PLEKHB1: variants seen among roughly 807,000 people sequenced by gnomAD.
PLEKHB1 encodes pleckstrin homology domain-containing family B member 1.
A neutral mutation model predicts 36.2 loss-of-function variants in PLEKHB1; 29 were observed. The ratio of observed to expected loss-of-function variants is 0.80; its 90% CI spans 0.60 to 1.09. The LOEUF (loss-of-function observed/expected upper bound fraction) is 1.09. Ranked by LOEUF, PLEKHB1 falls within the 50% of genes least tolerant of loss-of-function variation. PLEKHB1 has a pLI of 0.00. For synonymous variants in PLEKHB1, 138 were observed against 140.0 expected (o/e 0.99, Z 0.10); for missense variants, 330 against 348.2 (o/e 0.95, Z 0.42).
At chr11:73,659,436 G>C (rs772336540) in intron 6 of PLEKHB1, among the ~76,000 whole-genome samples, 2 of 152,066 alleles carry the variant, frequency 1.3e-5, no homozygotes, top group African/African-American at 4.8e-5. Context: ...CCCCTCTCCA[G>C]GTCTGCTCCC....
chr11:73,653,645 C>T (rs1277955614), intron 5 of PLEKHB1, among the ~76,000 whole-genome samples: 1 of 152,180 alleles, frequency 6.6e-6, no homozygotes, highest in African/African-American at 2.4e-5. Flanking sequence ...GAAGGATAAA[C>T]AGAAATTGAC....
intron 3 of PLEKHB1, among the ~76,000 whole-genome samples, chr11:73,651,074 C>T (rs1944881138): frequency 1.3e-5 from 2 of 151,326 alleles, no homozygotes; most frequent in Admixed American, 1.3e-4. Flanking sequence ...TGCTTGAGCC[C>T]AGGAATTCAA....
chr11:73,650,778 C>G, intron 3 of PLEKHB1, 73 bp downstream of exon 3: 1 of 1,453,574 alleles, frequency 6.9e-7, no homozygotes, highest in Non-Finnish European at 9.1e-7. Context: ...AGAACACTTG[C>G]TGTTGGAAGT....
At chr11:73,656,739 C>T (rs1045422866) in intron 6 of PLEKHB1, among the ~76,000 whole-genome samples, 1 of 152,178 alleles carries the variant, frequency 6.6e-6, no homozygotes, top group Non-Finnish European at 1.5e-5. Context: ...CAGTGGTGCT[C>T]AGTGTGGCTA....
At chr11:73,658,384 C>A (rs1037386900) in intron 6 of PLEKHB1, among the ~76,000 whole-genome samples, 1 of 152,214 alleles carries the variant, frequency 6.6e-6, no homozygotes, top group South Asian at 2.1e-4. Context: ...CTTTCTTCAA[C>A]CCTCCATAGC....
In PLEKHB1 at chr11:73,660,774, C is replaced by T. The variant is rs1304718126; in HGVS notation, c.517C>T (p.Gln173Ter). 1.3e-6 allele frequency: 2 copies of T among 1,599,350 alleles called. No individual in the cohort carries two copies. Among genetic ancestry groups the T allele is most frequent in the Non-Finnish European group, 1.7e-6 (2 of 1,174,178 alleles). ...RIWVRVYSPY[Q>*]DYYEVVPPNA... is the part of the protein sequence containing the mutation. ...CCAGGTGCGCGTCTACAGCCCGTACCAAGACTACTACGAGGTGGTGCCCCC... is the reference window on the plus strand; with the variant it reads ...CCAGGTGCGCGTCTACAGCCCGTACTAAGACTACTACGAGGTGGTGCCCCC... Residue 173 changes from glutamine (Q) to a stop codon, truncating the protein, a stop_gained, in exon 7 of 8, where the codon CAA becomes TAA. Coordinates refer to ENST00000354190, the MANE Select transcript of PLEKHB1 (RefSeq NM_021200.3). LOFTEE classifies it high-confidence loss of function.
chr11:73,653,268 T>C (rs1244727744), intron 5 of PLEKHB1: 5 of 668,748 alleles, frequency 7.5e-6, no homozygotes, highest in Non-Finnish European at 1.4e-5. Context: ...AGGAACTGTC[T>C]TTTATCGAGC....
chr11:73,652,082 C>G (rs1944909544), intron 4 of PLEKHB1, 192 bp downstream of exon 4: 1 of 596,898 alleles, frequency 1.7e-6, no homozygotes, highest in African/African-American at 1.9e-5. Context: ...CAGTGAACTC[C>G]TCATGTGGTC....
intron 5 of PLEKHB1, among the ~76,000 whole-genome samples, chr11:73,654,325 C>T (rs1944953678): frequency 6.6e-6 from 1 of 152,214 alleles, no homozygotes; most frequent in Non-Finnish European, 1.5e-5. Context: ...CTGTATGGCA[C>T]AATGGAGCCC....
chr11:73,647,475 G>A, intron 1 of PLEKHB1: 1 of 748,964 alleles, frequency 1.3e-6, no homozygotes, highest in Non-Finnish European at 1.6e-6. Context: ...ATTGCAGGCG[G>A]GGCTGCTTCT....
At chr11:73,652,661 C>T (rs1590793401) in intron 4 of PLEKHB1, 1 of 306,442 alleles carries the variant, frequency 3.3e-6, no homozygotes, top group East Asian at 5.4e-5. Context: ...GACTGGGCTA[C>T]AACACCCACC....
chr11:73,659,039 C>T (rs1299248407), intron 6 of PLEKHB1, among the ~76,000 whole-genome samples: 6 of 152,062 alleles, frequency 3.9e-5, no homozygotes, highest in African/African-American at 1.4e-4. Flanking sequence ...GCCTGGCGAA[C>T]ATGGTGAAAC....
rs150421723 is a variant in PLEKHB1 at position 73,652,381 on chromosome 11, C to T, written c.350+491C>T. 9.9e-3 allele frequency: 1,691 copies of T among 170,254 alleles called. 20 individuals carry two copies. The highest frequency in any genetic ancestry group is 0.014 in the Non-Finnish European group (1,105 of 79,690). 10.5% of individuals were successfully genotyped at this position (170,254 alleles called of 1,614,324 possible). ...CCAGCCTGGGTGTGTCCTTCTCAGG[C>T]ACCATCTGCTGGCTCACATTCCGTC... On this transcript the variant is annotated intron_variant, in intron 4 of 7. Transcript: ENST00000354190.
chr11:73,648,779 C>T (rs1298310188), intron 1 of PLEKHB1: 2 of 1,285,880 alleles, frequency 1.6e-6, no homozygotes, highest in Non-Finnish European at 9.9e-7. Flanking sequence ...GGAATCCAGG[C>T]TCCTGGTCCC....
intron 6 of PLEKHB1, among the ~76,000 whole-genome samples, chr11:73,658,498 A>C (rs993062662): frequency 6.6e-6 from 1 of 152,242 alleles, no homozygotes; most frequent in African/African-American, 2.4e-5. Context: ...ATTGGCCAAA[A>C]GAATGGGCAG....
chr11:73,660,956 G>A, intron 7 of PLEKHB1, 104 bp downstream of exon 7: 1 of 1,079,866 alleles, frequency 9.3e-7, no homozygotes, highest in Non-Finnish European at 1.4e-6. Context: ...TCCTTTTAGC[G>A]TGCACGGATT....
chr11:73,648,131 A>C, intron 1 of PLEKHB1: 1 of 240,038 alleles, frequency 4.2e-6, no homozygotes, highest in Non-Finnish European at 6.7e-6. Flanking sequence ...TTAGCTGTAC[A>C]TTGGAATCAT....
chr11:73,651,366 A>G (rs559885378), intron 3 of PLEKHB1: 104 of 443,728 alleles, frequency 2.3e-4, no homozygotes, highest in South Asian at 1.0e-3. Flanking sequence ...AAAAAAAAAA[A>G]AAAAGAAAAA....
intron 6 of PLEKHB1, 73 bp from the exon 7 acceptor site, chr11:73,660,680 G>A (rs1484492225): frequency 1.4e-6 from 2 of 1,397,634 alleles, no homozygotes; most frequent in Non-Finnish European, 2.0e-6. Flanking sequence ...AGAGGCCTGT[G>A]CCAGGCGTGG....
Sources: allele counts gnomAD v4.1 joint callset (sites outside exome capture counted in the v4.1 genomes callset), GRCh38; gene constraint gnomAD v4.1.1; transcripts MANE v1.5; gene names NCBI Gene and HGNC (gene_info 2026-07-23, HGNC 2026-07-21).